Variants in SUSD4 observed in about 807,000 individuals in gnomAD.
SUSD4 encodes the protein sushi domain containing 4, also known as sushi domain-containing protein 4.
SUSD4 carries 41 observed loss-of-function variants against 50.5 expected under a neutral mutation model. That is an observed-to-expected ratio of 0.81 (90% CI 0.63 to 1.05). SUSD4 has a LOEUF of 1.05. Among genes scored for constraint, SUSD4 ranks in the 50% least tolerant of loss-of-function variants. SUSD4 has a pLI of 0.00. For synonymous variants in SUSD4, 257 were observed against 257.3 expected (o/e 1.00, Z 0.01); for missense variants, 580 against 634.7 (o/e 0.91, Z 0.93).
At chr1:223,342,758 A>C (rs1029419438) in intron 2 of SUSD4, among the ~76,000 whole-genome samples, 1 of 152,268 alleles carries the variant, frequency 6.6e-6, no homozygotes, top group Admixed American at 6.5e-5. Flanking sequence ...CTAAATGTTT[A>C]AGTATAACAA....
At position 223,239,587 on chromosome 1, in the gene SUSD4, C is replaced by A. The variant is rs191442499; in HGVS notation, c.725-10199G>T. Among the ~76,000 whole-genome samples the A allele has an allele frequency of 1.2e-4, 19 of 152,112 alleles. No individual in the cohort carries two copies. In the East Asian group the frequency reaches 3.5e-3, roughly 28 times the overall value. On this transcript the variant is annotated intron_variant, in intron 5 of 8. Transcript: ENST00000366878. ...ATTAACATTTACAATGAATCCAAGT[C>A]CACTTTCAAATATCACAATGCCACT...
chr1:223,323,390 C>T (rs1349409332), intron 2 of SUSD4, among the ~76,000 whole-genome samples: 2 of 152,118 alleles, frequency 1.3e-5, no homozygotes, highest in African/African-American at 4.8e-5. Flanking sequence ...TGAGATGTCC[C>T]CAGTAGACAG....
chr1:223,268,743 A>G, intron 3 of SUSD4, 68 bp from the exon 4 acceptor site: 1 of 1,508,030 alleles, frequency 6.6e-7, no homozygotes, highest in Non-Finnish European at 9.0e-7. Context: ...CAGCTTCACG[A>G]GAAAGCTCTT....
At chr1:223,295,646 G>T (rs1363730436) in intron 2 of SUSD4, among the ~76,000 whole-genome samples, 1 of 152,098 alleles carries the variant, frequency 6.6e-6, no homozygotes, top group Non-Finnish European at 1.5e-5. Flanking sequence ...CTGCCAGCTG[G>T]GGACAGGGTG....
At chr1:223,316,539 G>A (rs1003980419) in intron 2 of SUSD4, among the ~76,000 whole-genome samples, 2 of 152,118 alleles carry the variant, frequency 1.3e-5, no homozygotes, top group Non-Finnish European at 2.9e-5. Flanking sequence ...AACTGCCCCT[G>A]GAGAAGCCCG....
At chr1:223,310,236 T>C (rs1484053536) in intron 2 of SUSD4, among the ~76,000 whole-genome samples, 2 of 152,182 alleles carry the variant, frequency 1.3e-5, no homozygotes, top group Non-Finnish European at 2.9e-5. Context: ...GCTGTGATTC[T>C]TATATAAGCA....
intron 2 of SUSD4, among the ~76,000 whole-genome samples, chr1:223,353,576 G>A (rs557486827): frequency 6.6e-6 from 1 of 152,288 alleles, no homozygotes; most frequent in East Asian, 1.9e-4. Flanking sequence ...GGGTGATGGA[G>A]AGATCACTCT....
At chr1:223,280,102 G>A (rs2103112952) in intron 3 of SUSD4, among the ~76,000 whole-genome samples, 1 of 152,254 alleles carries the variant, frequency 6.6e-6, no homozygotes, top group Middle Eastern at 3.4e-3. Flanking sequence ...AACATGGAAA[G>A]GAACAACCGG....
At chr1:223,234,248 G>GCCTTC (rs1277074855) in intron 5 of SUSD4, among the ~76,000 whole-genome samples, 1 of 152,164 alleles carries the variant, frequency 6.6e-6, no homozygotes, top group Non-Finnish European at 1.5e-5. Context: ...CCCCAAATAA[G>GCCTTC]CCTTCCCTCA....
chr1:223,363,665 T>C (rs1572150952), intron 1 of SUSD4: 2 of 508,378 alleles, frequency 3.9e-6, no homozygotes, highest in East Asian at 6.6e-5. Flanking sequence ...CGCCGTGGGA[T>C]GCTGCGCGTG....
chr1:223,272,366 C>T (rs1323192795), intron 3 of SUSD4, among the ~76,000 whole-genome samples: 2 of 152,114 alleles, frequency 1.3e-5, no homozygotes, highest in African/African-American at 2.4e-5. Context: ...ATTTCTATAT[C>T]CTGCTTCTGG....
At chr1:223,268,261 C>T (rs2103082955) in intron 4 of SUSD4, among the ~76,000 whole-genome samples, 1 of 151,962 alleles carries the variant, frequency 6.6e-6, no homozygotes, top group East Asian at 1.9e-4. Context: ...TAAGGTGTTT[C>T]CTGTTTATCC....
Position 223,227,568 on chromosome 1 carries a change from C to G in SUSD4, c.1061+26G>C. On this transcript the variant is annotated intron_variant, in intron 7 of 8. Coordinates refer to ENST00000366878, the MANE Select transcript of SUSD4 (RefSeq NM_017982.4). The surrounding 1 kb of genome is among the most constrained non-coding windows in gnomAD (Gnocchi z 4.5). ...AGCTGCATTGAGTCAGACCTTGAGC[C>G]ACAGCTGCCAAGACATGACACTGAC... 6.2e-7 allele frequency: 1 copy of G among 1,608,398 alleles called. No homozygotes were observed. Among genetic ancestry groups the G allele is most frequent in the Admixed American group, 1.7e-5 (1 of 59,900 alleles).
intron 2 of SUSD4, among the ~76,000 whole-genome samples, chr1:223,305,972 T>C (rs973780852): frequency 4.6e-5 from 7 of 152,224 alleles, no homozygotes; most frequent in African/African-American, 1.4e-4. Flanking sequence ...AATGTTTTAA[T>C]GTTTCAAGAA....
At chr1:223,251,163 T>A (rs958913873) in intron 5 of SUSD4, among the ~76,000 whole-genome samples, 2 of 152,188 alleles carry the variant, frequency 1.3e-5, no homozygotes, top group Admixed American at 1.3e-4. Flanking sequence ...TAATAGAATA[T>A]CCAAGACTGG....
At chr1:223,340,262 A>T (rs1194503180) in intron 2 of SUSD4, among the ~76,000 whole-genome samples, 1 of 152,216 alleles carries the variant, frequency 6.6e-6, no homozygotes, top group Admixed American at 6.5e-5. Flanking sequence ...CAGACAGCTC[A>T]GCTCTTGTGA....
At chr1:223,247,234 C>T (rs916856400) in intron 5 of SUSD4, among the ~76,000 whole-genome samples, 1 of 152,190 alleles carries the variant, frequency 6.6e-6, no homozygotes, top group African/African-American at 2.4e-5. Flanking sequence ...GTCCACATTG[C>T]CCACTGTCCC....
At chr1:223,364,739 G>A (rs999744526), upstream of SUSD4, among the ~76,000 whole-genome samples, 3 of 151,810 alleles carry the variant, frequency 2.0e-5, no homozygotes, top group Non-Finnish European at 1.5e-5. The surrounding 1 kb of genome is among the most constrained non-coding windows in gnomAD (Gnocchi z 4.5). Context: ...CAGACCCGGG[G>A]CGAGTGCGCG....
chr1:223,358,304 T>C (rs1668780939), intron 2 of SUSD4, among the ~76,000 whole-genome samples: 1 of 152,142 alleles, frequency 6.6e-6, no homozygotes, highest in South Asian at 2.1e-4. Context: ...TACTCAGATT[T>C]TAGAATCCAT....
Sources: allele counts gnomAD v4.1 joint callset (sites outside exome capture counted in the v4.1 genomes callset), GRCh38; gene constraint gnomAD v4.1.1; non-coding constraint Gnocchi (gnomAD v3.1); transcripts MANE v1.5; gene names NCBI Gene and HGNC (gene_info 2026-07-23, HGNC 2026-07-21).